The following ANK2 variants were observed in gnomAD, a reference collection of about 807,000 sequenced individuals.
The protein encoded by ANK2 is ankyrin 2, also known as ankyrin-2.
ANK2 carries 83 observed loss-of-function variants against 360.5 expected under a neutral mutation model. That is an observed-to-expected ratio of 0.23 (90% confidence interval 0.19 to 0.28). The LOEUF is 0.28. Ranked by LOEUF, ANK2 falls within the 10% of genes least tolerant of loss-of-function variation. The pLI, the probability that ANK2 is intolerant of heterozygous loss-of-function variation, is 1.00. For synonymous variants in ANK2, 1,740 were observed against 1,759.5 expected, an observed-to-expected ratio of 0.99 and a Z score of 0.28; for missense variants, 4,201 against 4,795.7, an observed-to-expected ratio of 0.88 and a Z score of 3.66.
intron 10 of ANK2, among the ~76,000 whole-genome samples, chr4:113,251,593 T>C (rs58673232): frequency 0.055 from 8,278 of 150,624 alleles, 275 homozygotes; most frequent in African/African-American, 0.085. Context: ...CACCATTCTC[T>C]TGCCTCAGCC....
chr4:113,321,400 G>A (rs372328821), intron 26 of ANK2, among the ~76,000 whole-genome samples: 3 of 152,168 alleles, frequency 2.0e-5, no homozygotes, highest in South Asian at 2.1e-4. Context: ...CAATAGTAAC[G>A]TTTGACTTAC....
chr4:113,202,731 A>G (rs2098848705), intron 4 of ANK2, among the ~76,000 whole-genome samples: 1 of 152,242 alleles, frequency 6.6e-6, no homozygotes, highest in Non-Finnish European at 1.5e-5. Flanking sequence ...TGCATTTTGC[A>G]TATAAAGTAT....
At chr4:112,997,906 TA>T (rs1244294329) in intron 2 of ANK2, among the ~76,000 whole-genome samples, 11 of 132,090 alleles carry the variant, frequency 8.3e-5, no homozygotes, top group Non-Finnish European at 1.3e-4. Flanking sequence ...AATTTTGGGC[TA>T]TTTTTTTTTT....
intron 2 of ANK2, among the ~76,000 whole-genome samples, chr4:113,022,813 G>T (rs534978310): frequency 6.6e-6 from 1 of 152,232 alleles, no homozygotes; most frequent in African/African-American, 2.4e-5. Context: ...TCATCCTGAT[G>T]GAAGCAATGC....
chr4:113,013,820 A>G (rs895456360), intron 2 of ANK2, among the ~76,000 whole-genome samples: 1 of 152,180 alleles, frequency 6.6e-6, no homozygotes, highest in Non-Finnish European at 1.5e-5. Flanking sequence ...TGTTTACTAA[A>G]TATCTGCTTT....
At chr4:112,739,512 A>G in the ANK2 span, among the ~76,000 whole-genome samples, 4 of 152,000 alleles carry the variant, frequency 2.6e-5, no homozygotes, top group Non-Finnish European at 5.9e-5. Flanking sequence ...TACTTGGGAG[A>G]CTGAGGCAGG....
At chr4:113,303,584 G>T (rs2075930715) in intron 23 of ANK2, among the ~76,000 whole-genome samples, 1 of 152,128 alleles carries the variant, frequency 6.6e-6, no homozygotes, top group Admixed American at 6.6e-5. Flanking sequence ...TTCAACTAGA[G>T]TAGCTGACTT....
intron 1 of ANK2, among the ~76,000 whole-genome samples, chr4:113,156,378 T>TTTTTTTG (rs2097296420): frequency 6.8e-6 from 1 of 146,196 alleles, no homozygotes; most frequent in African/African-American, 2.6e-5. Flanking sequence ...ATTCTTTTTT[T>TTTTTTTG]TTTGTTTTTG....
At chr4:113,024,687 T>G (rs1170652982) in intron 2 of ANK2, among the ~76,000 whole-genome samples, 1 of 152,126 alleles carries the variant, frequency 6.6e-6, no homozygotes, top group Non-Finnish European at 1.5e-5. Context: ...ATTATGCAAA[T>G]TTAAATACAC....
intron 14 of ANK2, among the ~76,000 whole-genome samples, chr4:113,269,331 A>C (rs910767088): frequency 8.6e-5 from 13 of 151,708 alleles, no homozygotes; most frequent in African/African-American, 2.9e-4. Flanking sequence ...ATGAAAAAAA[A>C]CTCCTGTAGC....
intron 2 of ANK2, among the ~76,000 whole-genome samples, chr4:112,921,115 G>A (rs530511147): frequency 2.2e-4 from 31 of 141,106 alleles, no homozygotes; most frequent in African/African-American, 7.6e-4. Flanking sequence ...GCAGTGGTGC[G>A]ATCTCGGCTC....
intron 22 of ANK2, among the ~76,000 whole-genome samples, chr4:113,298,494 G>A (rs2073147502): frequency 6.6e-6 from 1 of 152,120 alleles, no homozygotes; most frequent in Non-Finnish European, 1.5e-5. Context: ...TAAACACACA[G>A]TTTCTTTTGC....
Position 113,287,644 on chromosome 4 carries a change from A to G in ANK2, c.2119A>G (p.Lys707Glu). The G allele has an allele frequency of 6.2e-7, 1 of 1,613,600 alleles. No homozygotes were observed. Among genetic ancestry groups the G allele is most frequent in the South Asian group, 1.1e-5 (1 of 91,078 alleles). The part of the protein sequence containing the change: ...TSLHLAAQED[K>E]VNVADILTKH... ...CTTACACCTTGCAGCCCAGGAAGATAAAGTGAATGTTGCTGATATTCTCAC... is the reference window on the plus strand; with the variant it reads ...CTTACACCTTGCAGCCCAGGAAGATGAAGTGAATGTTGCTGATATTCTCAC... Residue 707 changes from lysine to glutamate, a missense_variant, in exon 19 of 46, where the codon AAA (lysine) becomes GAA (glutamate). Physicochemically the swap from Lys to Glu is moderately conservative, Grantham distance 56. Transcript: ENST00000357077.
At chr4:112,760,570 T>C in the ANK2 span, among the ~76,000 whole-genome samples, 1 of 151,580 alleles carries the variant, frequency 6.6e-6, no homozygotes, top group South Asian at 2.1e-4. Flanking sequence ...ACTTTAAGTT[T>C]TAGGGTACAT....
At chr4:112,853,195 A>T (rs2065456682) in intron 1 of ANK2, among the ~76,000 whole-genome samples, 1 of 152,020 alleles carries the variant, frequency 6.6e-6, no homozygotes, top group Non-Finnish European at 1.5e-5. Flanking sequence ...CCGCCTCCCA[A>T]GTAGCTGGGA....
intron 2 of ANK2, among the ~76,000 whole-genome samples, chr4:112,998,077 G>T (rs1343244834): frequency 6.6e-6 from 1 of 152,006 alleles, no homozygotes; most frequent in East Asian, 1.9e-4. Flanking sequence ...ATTATCAGAA[G>T]CTACTAGAAT....
At chr4:113,038,895 C>T (rs1199735932) in intron 2 of ANK2, among the ~76,000 whole-genome samples, 1 of 152,000 alleles carries the variant, frequency 6.6e-6, no homozygotes, top group Non-Finnish European at 1.5e-5. Flanking sequence ...AGGAGTAGAT[C>T]CTCCAGCCTG....
chr4:112,740,925 G>T, the ANK2 span, among the ~76,000 whole-genome samples: 1 of 152,040 alleles, frequency 6.6e-6, no homozygotes, highest in African/African-American at 2.4e-5. Context: ...GGGAGGCAGA[G>T]GTTGCAGTGA....
intron 13 of ANK2, among the ~76,000 whole-genome samples, chr4:113,264,495 C>G (rs2054789671): frequency 6.6e-6 from 1 of 152,086 alleles, no homozygotes; most frequent in African/African-American, 2.4e-5. Flanking sequence ...GATAAATTTA[C>G]TAGTTTTTCA....
Sources: gnomAD v4.1 joint callset for allele counts (sites outside exome capture counted in the v4.1 genomes callset) on GRCh38, gnomAD v4.1.1 for gene constraint, MANE v1.5 for transcripts, NCBI Gene and HGNC (gene_info 2026-07-23, HGNC 2026-07-21) for gene names.